The following TNFAIP3 variants were observed in gnomAD, a reference collection of about 807,000 sequenced individuals.
The protein encoded by TNFAIP3 is TNF alpha induced protein 3.
TNFAIP3 carries 9 observed loss-of-function variants against 72.4 expected under a neutral mutation model. That is an observed-to-expected ratio of 0.12 (90% CI 0.07 to 0.22). The LOEUF (loss-of-function observed/expected upper bound fraction) is 0.22, where lower values mean the gene tolerates loss of function less well. Ranked by LOEUF, TNFAIP3 falls within the 10% of genes least tolerant of loss-of-function variation. The pLI, the probability that TNFAIP3 is intolerant of heterozygous loss-of-function variation, is 1.00. For missense variants in TNFAIP3, 833 were observed against 1,018.7 expected (o/e 0.82, Z 2.48); for synonymous variants, 339 against 372.6 (o/e 0.91, Z 1.04).
chr6:137,868,253 G>A (rs1239924488), intron 1 of TNFAIP3: 7 of 152,390 alleles, frequency 4.6e-5, no homozygotes, highest in Non-Finnish European at 1.0e-4. Flanking sequence ...TAAGGAAGGA[G>A]CTTAACTCTT....
Position 137,881,437 on chromosome 6 carries a change from CAGGAG to C in TNFAIP3, c.*123_*127del. On this transcript the variant is annotated 3_prime_UTR_variant, in exon 9 of 9. Transcript: ENST00000612899. The surrounding 1 kb of genome is among the most constrained non-coding windows in gnomAD (Gnocchi z 5.0). ...AACAGTGGGCTTAAGGGTGTCTGAG[CAGGAG>C]AGGAAAGATAAGCTCTTCGTGGTGC... 4 of 934,856 alleles carry C rather than the reference CAGGAG, an allele frequency of 4.3e-6. No homozygotes were observed. The highest frequency in any genetic ancestry group is 6.3e-6 in the Non-Finnish European group (4 of 630,430). 57.9% of individuals were successfully genotyped at this position (934,856 alleles called of 1,614,324 possible).
chr6:137,875,024 T>C lies in TNFAIP3; in HGVS notation c.475T>C (p.Tyr159His). The C allele has an allele frequency of 6.2e-7, 1 of 1,614,154 alleles. No individual in the cohort carries two copies. Among genetic ancestry groups the C allele is most frequent in the Non-Finnish European group, 8.5e-7 (1 of 1,180,034 alleles). ...GGAATTTGTTGAAACGGGGCTTTGC[T>C]ATGATACTCGGGTAGGTTTTTCCCC... ...SQEFVETGLC[Y>H]DTRNWNDEWD... Residue 159 changes from tyrosine (Y) to histidine (H), a missense_variant, in exon 3 of 9, where the codon TAT (tyrosine) becomes CAT (histidine). Tyr to His is a moderately conservative substitution (Grantham distance 83, BLOSUM62 2). Around this residue, in one of 2 missense-constraint regions of TNFAIP3, gnomAD observed 246 missense variants for 360.9 expected, o/e 0.68. Coordinates refer to ENST00000612899, the MANE Select transcript of TNFAIP3 (RefSeq NM_001270508.2).
chr6:137,878,613 C>T lies in TNFAIP3; in HGVS notation c.1168C>T (p.Pro390Ser). 1 of 1,614,230 alleles carries T rather than the reference C, an allele frequency of 6.2e-7. No homozygotes were observed. The change falls in exon 7 of 9, where the codon CCC becomes TCC. Residue 390 changes from proline (P) to serine (S), a missense_variant. Pro to Ser is a moderately conservative substitution (Grantham distance 74, BLOSUM62 -1). Transcript: ENST00000612899. ...TCTCATGGATGTAAAATGTGAAACG[C>T]CCAACTGCCCCTTCTTCATGTCTGT... ...LSLMDVKCET[P>S]NCPFFMSVNT...
chr6:137,873,934 T>C (rs1776144257), intron 2 of TNFAIP3, among the ~76,000 whole-genome samples: 1 of 152,218 alleles, frequency 6.6e-6, no homozygotes, highest in South Asian at 2.1e-4. Flanking sequence ...TTATAAAAAT[T>C]ATTTTGCACT....
chr6:137,880,311 C>G, intron 8 of TNFAIP3, 59 bp downstream of exon 8: 1 of 1,566,714 alleles, frequency 6.4e-7, no homozygotes, highest in South Asian at 1.1e-5. Flanking sequence ...TTTGCTGGAG[C>G]GTTTTCTACC....
At chr6:137,873,065 A>G (rs968126008) in intron 2 of TNFAIP3, among the ~76,000 whole-genome samples, 1 of 152,222 alleles carries the variant, frequency 6.6e-6, no homozygotes, top group Non-Finnish European at 1.5e-5. Flanking sequence ...CTACAAAAGC[A>G]GGTGCATTTT....
chr6:137,869,603 A>T (rs1032724655), intron 1 of TNFAIP3, among the ~76,000 whole-genome samples: 2 of 152,104 alleles, frequency 1.3e-5, no homozygotes, highest in African/African-American at 4.8e-5. Flanking sequence ...ATCACCAGAA[A>T]ACTCCTCAGG....
chr6:137,877,057 G>T lies in TNFAIP3; in HGVS notation c.806-19G>T. On this transcript the variant is annotated intron_variant, in intron 5 of 8. Transcript: ENST00000612899. ...TTTAGTAGAATACTGTTTTACTTATGTATTATTTTTTTCCTTAGAAATCCG... is the reference window on the plus strand; with the variant it reads ...TTTAGTAGAATACTGTTTTACTTATTTATTATTTTTTTCCTTAGAAATCCG... 6.4e-7 allele frequency: 1 copy of T among 1,566,804 alleles called. No homozygotes were observed. The highest frequency in any genetic ancestry group is 1.4e-5 in the African/African-American group (1 of 73,278).
chr6:137,874,798 T>C (rs2114476734), intron 2 of TNFAIP3, 47 bp from the exon 3 acceptor site: 1 of 1,583,506 alleles, frequency 6.3e-7, no homozygotes, highest in South Asian at 1.1e-5. Context: ...GGGTCTTACA[T>C]GCAGATAACT....
rs1776396761 is a variant in TNFAIP3, at chr6:137,880,112, A to G, written c.1948A>G (p.Arg650Gly). ...AGGGAAAGTCAGTCCCACAGCGTCCAGGTTCCAGAACACCATTCCGTGCCT... is the reference window on the plus strand; with the variant it reads ...AGGGAAAGTCAGTCCCACAGCGTCCGGGTTCCAGAACACCATTCCGTGCCT... Reference protein sequence around the residue: ...ASGKVSPTASRFQNTIPCLGR... With the variant: ...ASGKVSPTASGFQNTIPCLGR... The change falls in exon 8 of 9, where the codon AGG becomes GGG. Residue 650 changes from arginine (R) to glycine (G), a missense_variant. By Grantham distance (125) the Arg-to-Gly change is moderately radical. Coordinates refer to ENST00000612899, the MANE Select transcript of TNFAIP3 (RefSeq NM_001270508.2). 1 of 1,614,178 alleles carries G rather than the reference A, an allele frequency of 6.2e-7. No homozygotes were observed. The highest frequency in any genetic ancestry group is 8.5e-7 in the Non-Finnish European group (1 of 1,180,022).
Position 137,881,352 on chromosome 6 carries a change from TG to T in TNFAIP3, c.*37del. 1 of 1,519,804 alleles carries T rather than the reference TG, an allele frequency of 6.6e-7. No individual in the cohort carries two copies. Among genetic ancestry groups the T allele is most frequent in the Non-Finnish European group, 8.8e-7 (1 of 1,133,488 alleles). The allele number at this position is 1,519,804 out of a possible 1,614,324, so 94.1% of individuals were successfully genotyped here. The stretch of plus-strand genomic sequence containing the variant: ...CAGGTGGGTCACCTCCTGCAAGAAG[TG>T]GGGCCTCGAGCTGTCAGTCATCATG... On this transcript the variant is annotated 3_prime_UTR_variant, in exon 9 of 9. Coordinates refer to ENST00000612899, the MANE Select transcript of TNFAIP3 (RefSeq NM_001270508.2). The surrounding 1 kb of genome is among the most constrained non-coding windows in gnomAD (Gnocchi z 5.0).
At chr6:137,880,785 C>A (rs1776423741) in intron 8 of TNFAIP3, among the ~76,000 whole-genome samples, 1 of 152,158 alleles carries the variant, frequency 6.6e-6, no homozygotes, top group Non-Finnish European at 1.5e-5. Context: ...GGAAAGTTTG[C>A]AGGCCAACTT....
In TNFAIP3 at chr6:137,882,750, T is replaced by C. The variant is rs1776504306; in HGVS notation, c.*1431T>C. On this transcript the variant is annotated 3_prime_UTR_variant, in exon 9 of 9. Transcript: ENST00000612899. ...CTGGGAAGTCCCCTGCATCCCATGG[T>C]ACCCTGGTATTGGGACAGCAAAAGC... The C allele has an allele frequency of 4.3e-6, 1 of 232,150 alleles. No homozygotes were observed. The highest frequency in any genetic ancestry group is 8.5e-6 in the Non-Finnish European group (1 of 117,270). The allele number at this position is 232,150 out of a possible 1,614,324, so 14.4% of individuals were successfully genotyped here.
At chr6:137,880,579 C>T (rs1442339003) in intron 8 of TNFAIP3, among the ~76,000 whole-genome samples, 1 of 152,210 alleles carries the variant, frequency 6.6e-6, no homozygotes, top group Non-Finnish European at 1.5e-5. Context: ...GAAGCACAGA[C>T]ATCTAAAAAG....
At chr6:137,866,431 T>A (rs1049269569), upstream of TNFAIP3, among the ~76,000 whole-genome samples, 1 of 152,146 alleles carries the variant, frequency 6.6e-6, no homozygotes, top group Non-Finnish European at 1.5e-5. Flanking sequence ...TGGAGACACA[T>A]GGCAAGCACC....
intron 2 of TNFAIP3, among the ~76,000 whole-genome samples, chr6:137,872,359 C>T (rs1252659521): frequency 2.0e-5 from 3 of 152,170 alleles, no homozygotes; most frequent in Non-Finnish European, 4.4e-5. Context: ...AGGAAGTTGA[C>T]TGTACAAGCT....
chr6:137,874,583 A>C (rs1776171227), intron 2 of TNFAIP3, among the ~76,000 whole-genome samples: 1 of 152,216 alleles, frequency 6.6e-6, no homozygotes, highest in African/African-American at 2.4e-5. Context: ...AGTTAGGAGC[A>C]GACTTAAGCT....
chr6:137,869,918 A>T (rs1430366412), intron 1 of TNFAIP3, among the ~76,000 whole-genome samples: 11 of 152,312 alleles, frequency 7.2e-5, no homozygotes. Flanking sequence ...CACCCTACTA[A>T]GGGCTAGTAA....
chr6:137,869,372 TGGATGGACGGAC>T (rs1293706949), intron 1 of TNFAIP3, among the ~76,000 whole-genome samples: 14 of 140,684 alleles, frequency 1.0e-4, no homozygotes, highest in East Asian at 4.2e-4. Context: ...GATGGATGGA[TGGATGGACGGAC>T]GGACGGACGG....
Sources: allele counts gnomAD v4.1 joint callset (sites outside exome capture counted in the v4.1 genomes callset), GRCh38; gene constraint gnomAD v4.1.1; regional missense constraint gnomAD v4.1.1; non-coding constraint Gnocchi (gnomAD v3.1); transcripts MANE v1.5; gene names NCBI Gene and HGNC (gene_info 2026-07-23, HGNC 2026-07-21).